The following NUDCD3 variants were observed in gnomAD, a reference collection of about 807,000 sequenced individuals.
NUDCD3 encodes nudC domain-containing protein 3.
NUDCD3 carries 13 observed loss-of-function variants against 39.7 expected under a neutral mutation model. That is an observed-to-expected ratio of 0.33 (90% CI 0.21 to 0.52). The LOEUF (loss-of-function observed/expected upper bound fraction) is 0.52. Among genes scored for constraint, NUDCD3 ranks in the 20% least tolerant of loss-of-function variants. The pLI, the probability that NUDCD3 is intolerant of heterozygous loss-of-function variation, is 0.96. For synonymous variants in NUDCD3, 175 were observed against 172.4 expected, an observed-to-expected ratio of 1.02 and a Z score of -0.12; for missense variants, 453 against 458.1, an observed-to-expected ratio of 0.99 and a Z score of 0.10.
At chr7:44,389,326 G>A (rs748310581) in intron 5 of NUDCD3, among the ~76,000 whole-genome samples, 3 of 152,216 alleles carry the variant, frequency 2.0e-5, no homozygotes, top group Non-Finnish European at 2.9e-5. Context: ...GGCTTACCTG[G>A]AATGAACAGA....
At chr7:44,471,344 T>G (rs1447198258) in intron 2 of NUDCD3, among the ~76,000 whole-genome samples, 2 of 152,238 alleles carry the variant, frequency 1.3e-5, no homozygotes, top group Non-Finnish European at 2.9e-5. Context: ...TCTTTATTGT[T>G]GTATTGTTAT....
chr7:44,474,658 C>T (rs1222778663), intron 2 of NUDCD3, among the ~76,000 whole-genome samples: 16 of 152,208 alleles, frequency 1.1e-4, no homozygotes, highest in Admixed American at 1.0e-3. Flanking sequence ...AAACTCAACA[C>T]TGCTTTCTAA....
intron 3 of NUDCD3, among the ~76,000 whole-genome samples, chr7:44,412,703 G>A (rs1331558700): frequency 6.6e-6 from 1 of 151,888 alleles, no homozygotes; most frequent in Non-Finnish European, 1.5e-5. Context: ...CGAGGCAGGT[G>A]GATCATGAGG....
At chr7:44,389,875 A>G (rs1415816995) in intron 5 of NUDCD3, among the ~76,000 whole-genome samples, 1 of 152,150 alleles carries the variant, frequency 6.6e-6, no homozygotes, top group Non-Finnish European at 1.5e-5. Context: ...TGTAGAGAAG[A>G]AAAGGCTGGT....
chr7:44,484,449 T>G (rs1800561601), intron 2 of NUDCD3: 1 of 153,440 alleles, frequency 6.5e-6, no homozygotes, highest in South Asian at 2.0e-4. Flanking sequence ...GTACTATTAT[T>G]ATCACCTACA....
At chr7:44,433,298 G>A (rs989274678) in intron 2 of NUDCD3, among the ~76,000 whole-genome samples, 14 of 152,332 alleles carry the variant, frequency 9.2e-5, no homozygotes, top group African/African-American at 1.9e-4. Context: ...TGTGTGGCAT[G>A]TGTGCAGTGC....
chr7:44,434,594 C>T (rs1434535613), intron 2 of NUDCD3, among the ~76,000 whole-genome samples: 2 of 152,178 alleles, frequency 1.3e-5, no homozygotes, highest in African/African-American at 2.4e-5. Flanking sequence ...CTGTGGATAC[C>T]CTGCCACCTC....
At chr7:44,401,199 C>T (rs114295592) in intron 4 of NUDCD3, among the ~76,000 whole-genome samples, 1 of 152,196 alleles carries the variant, frequency 6.6e-6, no homozygotes, top group African/African-American at 2.4e-5. Flanking sequence ...ACGCTCAAAG[C>T]AGTGTGCCAA....
At chr7:44,419,185 T>C (rs1585066325) in intron 3 of NUDCD3, among the ~76,000 whole-genome samples, 1 of 151,956 alleles carries the variant, frequency 6.6e-6, no homozygotes, top group South Asian at 2.1e-4. Context: ...CTTGAGTAGG[T>C]GGTTTTCCCC....
intron 2 of NUDCD3, among the ~76,000 whole-genome samples, chr7:44,470,775 A>G (rs997747986): frequency 1.2e-4 from 18 of 152,266 alleles, no homozygotes; most frequent in Admixed American, 2.6e-4. Flanking sequence ...GGACTCTACT[A>G]GCAAGTTTAA....
rs373459985 is a variant in NUDCD3, at chr7:44,468,033, G to A, written c.509+16935C>T. The A allele has an allele frequency of 2.8e-4, 446 of 1,612,898 alleles. 4 individuals are homozygous for A. The South Asian group carries it at 3.3e-3, about 12-fold the overall frequency. ...CCCAGAGGCACTGACAACAGGGTTC[G>A]TAGAAGATTCAAGGGCCAGATCTTG... On this transcript the variant is annotated intron_variant, in intron 2 of 5. Transcript: ENST00000355451.
At chr7:44,473,516 T>C (rs1244046045) in intron 2 of NUDCD3, among the ~76,000 whole-genome samples, 1 of 152,184 alleles carries the variant, frequency 6.6e-6, no homozygotes, top group Non-Finnish European at 1.5e-5. Context: ...GCTTATCTAG[T>C]GCAAGGGTTC....
intron 3 of NUDCD3, among the ~76,000 whole-genome samples, chr7:44,422,385 A>G (rs933255377): frequency 3.3e-5 from 5 of 151,986 alleles, no homozygotes; most frequent in African/African-American, 1.2e-4. Context: ...AAAATAGACC[A>G]CTAACCAGAA....
chr7:44,446,354 T>C (rs999198983), intron 2 of NUDCD3, among the ~76,000 whole-genome samples: 1 of 152,188 alleles, frequency 6.6e-6, no homozygotes, highest in South Asian at 2.1e-4. Context: ...CAAAGCATCA[T>C]GGGAGCATTC....
At chr7:44,394,846 G>A (rs1227327233) in intron 4 of NUDCD3, among the ~76,000 whole-genome samples, 1 of 152,174 alleles carries the variant, frequency 6.6e-6, no homozygotes, top group East Asian at 1.9e-4. Context: ...GCACTCCACA[G>A]ACCCCAACAC....
chr7:44,450,825 ACACAAATGGTCATAG>A (rs921406289), intron 2 of NUDCD3, among the ~76,000 whole-genome samples: 3 of 152,152 alleles, frequency 2.0e-5, no homozygotes, highest in Admixed American at 1.3e-4. Flanking sequence ...AAAGACTTGT[ACACAAATGGTCATAG>A]CACAAATGGT....
At chr7:44,486,188 G>A (rs1585112541) in intron 1 of NUDCD3, among the ~76,000 whole-genome samples, 1 of 152,226 alleles carries the variant, frequency 6.6e-6, no homozygotes, top group Non-Finnish European at 1.5e-5. Context: ...ATAACTGGAG[G>A]AAGGAAAGGC....
At chr7:44,401,686 G>C (rs151011051) in intron 4 of NUDCD3, among the ~76,000 whole-genome samples, 2 of 152,160 alleles carry the variant, frequency 1.3e-5, no homozygotes, top group Admixed American at 1.3e-4. Context: ...CCGTGTTCAC[G>C]GGCAGTGACA....
At chr7:44,476,276 G>A (rs1006784800) in intron 2 of NUDCD3, among the ~76,000 whole-genome samples, 91 of 152,330 alleles carry the variant, frequency 6.0e-4, no homozygotes, top group African/African-American at 2.1e-3. Context: ...GACATCAAGA[G>A]CCACAGATGT....
Sources: gnomAD v4.1 joint callset for allele counts (sites outside exome capture counted in the v4.1 genomes callset) on GRCh38, gnomAD v4.1.1 for gene constraint, MANE v1.5 for transcripts, NCBI Gene and HGNC (gene_info 2026-07-23, HGNC 2026-07-21) for gene names.